Variants in CEMIP observed in about 807,000 individuals in gnomAD.
CEMIP encodes cell migration-inducing and hyaluronan-binding protein.
A neutral mutation model predicts 156.9 loss-of-function variants in CEMIP; 105 were observed. The observed-to-expected ratio is 0.67, with a 90% CI of 0.57 to 0.79. The LOEUF (loss-of-function observed/expected upper bound fraction) is 0.79. Ranked by LOEUF, CEMIP falls within the 30% of genes least tolerant of loss-of-function variation. The probability of loss-of-function intolerance (pLI) is 0.00; values close to 1 mark genes in which losing one functional copy is unlikely to be tolerated. For missense variants in CEMIP, 1,457 were observed against 1,769.4 expected (o/e 0.82, Z 3.17); for synonymous variants, 676 against 668.4 (o/e 1.01, Z -0.17).
intron 1 of CEMIP, among the ~76,000 whole-genome samples, chr15:80,851,757 G>A (rs1245114757): frequency 6.6e-6 from 1 of 152,156 alleles, no homozygotes; most frequent in Non-Finnish European, 1.5e-5. Flanking sequence ...TTAGAAGGTG[G>A]CGTGGGGCAT....
At chr15:80,795,865 G>A (rs1040388203) in intron 1 of CEMIP, among the ~76,000 whole-genome samples, 4 of 152,176 alleles carry the variant, frequency 2.6e-5, no homozygotes, top group South Asian at 2.1e-4. Context: ...AGGAGTTTGA[G>A]GCTGCATGGA....
intron 5 of CEMIP, 94 bp downstream of exon 5, chr15:80,879,948 G>C: frequency 7.1e-7 from 1 of 1,412,728 alleles, no homozygotes; most frequent in South Asian, 1.2e-5. Context: ...GGGCAAGCTT[G>C]CCTGTAAGAT....
At chr15:80,879,606 T>C in intron 4 of CEMIP, 110 bp from the exon 5 acceptor site, 1 of 1,290,594 alleles carries the variant, frequency 7.7e-7, no homozygotes, top group South Asian at 1.2e-5. Context: ...ATGTGCCTTT[T>C]TGCCTGCCCC....
intron 3 of CEMIP, among the ~76,000 whole-genome samples, chr15:80,876,468 A>C (rs1350108249): frequency 6.6e-6 from 1 of 152,222 alleles, no homozygotes; most frequent in South Asian, 2.1e-4. Flanking sequence ...GAGCCCCTTG[A>C]CATTTACAAT....
At chr15:80,899,223 A>AC (rs1899360885) in intron 12 of CEMIP, among the ~76,000 whole-genome samples, 4 of 108,458 alleles carry the variant, frequency 3.7e-5, no homozygotes, top group African/African-American at 1.3e-4. Context: ...AAAAAAAAAA[A>AC]AAAAAGAAAG....
intron 24 of CEMIP, among the ~76,000 whole-genome samples, chr15:80,937,192 C>A (rs959229245): frequency 6.6e-6 from 1 of 152,138 alleles, no homozygotes; most frequent in African/African-American, 2.4e-5. Flanking sequence ...ATGGCGGGCA[C>A]CCAGGACCTG....
intron 1 of CEMIP, among the ~76,000 whole-genome samples, chr15:80,787,901 G>A (rs1895980133): frequency 6.6e-6 from 1 of 152,178 alleles, no homozygotes; most frequent in Non-Finnish European, 1.5e-5. Flanking sequence ...GATGGTATAG[G>A]CTGATGCCCT....
chr15:80,864,378 C>A (rs1028014466), intron 1 of CEMIP, among the ~76,000 whole-genome samples: 3 of 152,200 alleles, frequency 2.0e-5, no homozygotes, highest in Admixed American at 2.0e-4. Flanking sequence ...TCTGAAGATG[C>A]AGTTCTACCA....
At chr15:80,801,265 A>G (rs1896368875) in intron 1 of CEMIP, among the ~76,000 whole-genome samples, 1 of 152,186 alleles carries the variant, frequency 6.6e-6, no homozygotes. Flanking sequence ...GCTGATCCGG[A>G]CAGGCTTGGC....
At chr15:80,827,058 C>A (rs1897053065) in intron 1 of CEMIP, among the ~76,000 whole-genome samples, 1 of 152,200 alleles carries the variant, frequency 6.6e-6, no homozygotes, top group African/African-American at 2.4e-5. Context: ...CCTGCCCTTT[C>A]ACTCCATGGT....
Position 80,909,195 on chromosome 15 carries a change from C to A in CEMIP, c.1686C>A (p.Ala562=), listed in dbSNP as rs547252245. The A allele has an allele frequency of 8.7e-6, 14 of 1,614,054 alleles. No homozygotes were observed. In the South Asian group the frequency reaches 1.3e-4, roughly 15 times the overall value. The change falls in exon 14 of 30, where the codon GCC becomes GCA. Residue 562 remains alanine (A), a synonymous_variant. Coordinates refer to ENST00000394685, the MANE Select transcript of CEMIP (RefSeq NM_001293298.2). Reference sequence around the variant, plus strand: ...AGTACCCGATTCACTTCCACCTGGCCGGTGATGTAGACGAAAGGGGAGGTT... The same window carrying A: ...AGTACCCGATTCACTTCCACCTGGCAGGTGATGTAGACGAAAGGGGAGGTT... ...VGQYPIHFHL[A]GDVDERGGYD... is the part of the protein sequence containing the mutation.
chr15:80,887,583 G>A, intron 7 of CEMIP, 111 bp from the exon 8 acceptor site: 1 of 780,644 alleles, frequency 1.3e-6, no homozygotes, highest in Non-Finnish European at 2.2e-6. Flanking sequence ...ACAGCAGGGA[G>A]GGACCCTCCT....
chr15:80,920,435 C>A, intron 15 of CEMIP, 136 bp downstream of exon 15: 1 of 738,226 alleles, frequency 1.4e-6, no homozygotes, highest in East Asian at 2.7e-5. Flanking sequence ...AGCCCTTAAC[C>A]ACCTACGGCT....
At chr15:80,791,878 A>G (rs1227285675) in intron 1 of CEMIP, among the ~76,000 whole-genome samples, 1 of 152,184 alleles carries the variant, frequency 6.6e-6, no homozygotes, top group Non-Finnish European at 1.5e-5. Context: ...GGGAGGAGGG[A>G]GTAGTCACCA....
intron 28 of CEMIP, among the ~76,000 whole-genome samples, 182 bp downstream of exon 28, chr15:80,943,284 T>A (rs1275636473): frequency 6.6e-6 from 1 of 152,226 alleles, no homozygotes; most frequent in Non-Finnish European, 1.5e-5. Context: ...GACTCTGGTG[T>A]TGGAGCTGGG....
At position 80,804,505 on chromosome 15, in the gene CEMIP, G is replaced by C. The variant is rs563757558; in HGVS notation, c.-176+24891G>C. On this transcript the variant is annotated intron_variant, in intron 1 of 29. Transcript: ENST00000394685. ...GGAAGGTTGACTCTTCTGAACTTCA[G>C]TTCCTCTACCTGAGAAACAAGAAGC... 1.6e-4 allele frequency among the ~76,000 whole-genome samples: 25 copies of C among 152,232 alleles called. No individual in the cohort carries two copies. The South Asian group carries it at 4.6e-3, about 28-fold the overall frequency.
intron 1 of CEMIP, among the ~76,000 whole-genome samples, chr15:80,865,169 A>G (rs1423901186): frequency 6.6e-6 from 1 of 152,092 alleles, no homozygotes; most frequent in Non-Finnish European, 1.5e-5. Context: ...CTGAGGAACT[A>G]AATTTTTTAT....
chr15:80,880,156 T>C (rs923441117), intron 5 of CEMIP, among the ~76,000 whole-genome samples: 1 of 152,202 alleles, frequency 6.6e-6, no homozygotes. Context: ...TATAATAGGC[T>C]ACGATGGACA....
At chr15:80,798,466 C>T (rs1896288935) in intron 1 of CEMIP, among the ~76,000 whole-genome samples, 1 of 152,004 alleles carries the variant, frequency 6.6e-6, no homozygotes, top group Admixed American at 6.6e-5. Context: ...AAATGGCCTC[C>T]AAAGATTTAT....
Sources: gnomAD v4.1 joint callset for allele counts (sites outside exome capture counted in the v4.1 genomes callset) on GRCh38, gnomAD v4.1.1 for gene constraint, MANE v1.5 for transcripts, NCBI Gene and HGNC (gene_info 2026-07-23, HGNC 2026-07-21) for gene names.